Variants in ADGRL2 observed in about 807,000 individuals in gnomAD.
The protein encoded by ADGRL2 is calcium-independent alpha-latrotoxin receptor 2.
In ADGRL2, 44 loss-of-function variants were observed where a neutral mutation model predicts 157.4. That is an observed-to-expected ratio of 0.28 (90% CI 0.22 to 0.36). The LOEUF is 0.36. ADGRL2 is among the 10% of genes least tolerant of loss of function. The pLI, the probability that ADGRL2 is intolerant of heterozygous loss-of-function variation, is 1.00. For synonymous variants in ADGRL2, 585 were observed against 624.7 expected, an observed-to-expected ratio of 0.94 and a Z score of 0.95; for missense variants, 1,510 against 1,768.9, an observed-to-expected ratio of 0.85 and a Z score of 2.63.
chr1:81,330,877 G>C (rs77885325), intron 1 of ADGRL2, among the ~76,000 whole-genome samples: 2,153 of 152,254 alleles, frequency 0.014, 51 homozygotes, highest in African/African-American at 0.049. Context: ...TTGCTCAACG[G>C]ATGTTTTAAA....
chr1:81,895,890 T>C (rs1030848219), intron 2 of ADGRL2, among the ~76,000 whole-genome samples: 18 of 152,134 alleles, frequency 1.2e-4, no homozygotes, highest in African/African-American at 4.3e-4. Flanking sequence ...AGTTTTAGCA[T>C]CAGTGACAAA....
chr1:81,502,017 C>T (rs1458379236), intron 2 of ADGRL2: 2 of 1,603,480 alleles, frequency 1.2e-6, no homozygotes, highest in African/African-American at 2.7e-5. Context: ...GCAGCAGTGG[C>T]CCAAGTGTTT....
At chr1:81,948,887 A>G (rs1229288755) in intron 6 of ADGRL2, among the ~76,000 whole-genome samples, 2 of 152,182 alleles carry the variant, frequency 1.3e-5, no homozygotes, top group Admixed American at 6.5e-5. Flanking sequence ...AGAAGTATGT[A>G]ACTACTAAAG....
rs75176347 is a variant in ADGRL2, at chr1:81,649,991, A to G, written c.-143+69011A>G. On this transcript the variant is annotated intron_variant, in intron 3 of 24. Coordinates refer to the ADGRL2 transcript ENST00000370721. Reference sequence around the variant, plus strand: ...AAGGTGAGAATTAAATGTAAAATCAATTTATACAATTATACCAAGTTTGTG... The same window carrying G: ...AAGGTGAGAATTAAATGTAAAATCAGTTTATACAATTATACCAAGTTTGTG... Among the ~76,000 whole-genome samples the G allele has an allele frequency of 1.5e-3, 225 of 152,074 alleles. 1 individual carries two copies. Among genetic ancestry groups the G allele is most frequent in the African/African-American group, 5.3e-3 (221 of 41,482 alleles).
intron 3 of ADGRL2, among the ~76,000 whole-genome samples, chr1:81,606,763 TGTGTGTGTGTGC>T (rs1557501019): frequency 1.4e-4 from 21 of 151,466 alleles, no homozygotes; most frequent in African/African-American, 1.9e-4. Context: ...TGTGTGTGTG[TGTGTGTGTGTGC>T]GCACGCGTGT....
At chr1:81,824,357 G>A (rs191217243) in intron 1 of ADGRL2, among the ~76,000 whole-genome samples, 9 of 152,192 alleles carry the variant, frequency 5.9e-5, no homozygotes, top group Admixed American at 2.6e-4. Context: ...TCACTGTAGC[G>A]TGGAACTCCT....
At chr1:81,521,821 T>TATACAAA (rs1365742549) in intron 2 of ADGRL2, among the ~76,000 whole-genome samples, 1 of 152,182 alleles carries the variant, frequency 6.6e-6, no homozygotes, top group East Asian at 1.9e-4. Flanking sequence ...TTTGGTTGAG[T>TATACAAA]ATACAAAATA....
intron 1 of ADGRL2, among the ~76,000 whole-genome samples, chr1:81,389,082 T>C (rs1370898992): frequency 6.6e-6 from 1 of 152,182 alleles, no homozygotes; most frequent in African/African-American, 2.4e-5. Context: ...CACCTTTTCA[T>C]TGATTTTGTC....
At chr1:81,728,888 G>A (rs2084629772) in intron 1 of ADGRL2, among the ~76,000 whole-genome samples, 1 of 152,066 alleles carries the variant, frequency 6.6e-6, no homozygotes, top group South Asian at 2.1e-4. Context: ...TTCTCTTGGG[G>A]AGGTAACTGT....
In ADGRL2 at chr1:81,957,990, G is replaced by A. The variant is rs183752932; in HGVS notation, c.2017+1930G>A. On this transcript the variant is annotated intron_variant, in intron 11 of 23. Transcript: ENST00000686636. ...ATCCTGGCCAACATGGTGAAAACTC[G>A]TCTCTACTAAAAAATACAAAAAAAA... 5.5e-3 allele frequency among the ~76,000 whole-genome samples: 830 copies of A among 149,880 alleles called. 12 individuals are homozygous for A. Among genetic ancestry groups the A allele is most frequent in the African/African-American group, 0.019 (778 of 40,916 alleles).
At chr1:81,359,327 G>T (rs1295442602) in intron 1 of ADGRL2, among the ~76,000 whole-genome samples, 39 of 152,144 alleles carry the variant, frequency 2.6e-4, no homozygotes, top group Admixed American at 2.0e-4. Context: ...AGACAGAGTG[G>T]TGAATAAGAC....
intron 2 of ADGRL2, among the ~76,000 whole-genome samples, chr1:81,459,644 AT>A (rs1474581804): frequency 1.3e-5 from 2 of 152,068 alleles, no homozygotes; most frequent in Non-Finnish European, 2.9e-5. Flanking sequence ...GAGAGTCTTA[AT>A]AATCTCTTTA....
intron 2 of ADGRL2, among the ~76,000 whole-genome samples, chr1:81,839,049 A>C (rs1236606010): frequency 6.6e-6 from 1 of 152,044 alleles, no homozygotes; most frequent in Admixed American, 6.6e-5. Context: ...TATTGCCAGA[A>C]AGCAGATAAT....
intron 2 of ADGRL2, among the ~76,000 whole-genome samples, chr1:81,860,265 C>G (rs1321534616): frequency 2.0e-5 from 3 of 151,978 alleles, no homozygotes; most frequent in Non-Finnish European, 4.4e-5. Flanking sequence ...GACTGGTATT[C>G]TATATTTTAA....
At chr1:81,751,043 C>T (rs1279905550) in intron 1 of ADGRL2, among the ~76,000 whole-genome samples, 2 of 151,930 alleles carry the variant, frequency 1.3e-5, no homozygotes, top group African/African-American at 4.8e-5. Context: ...AAATACAAAA[C>T]GAGCCTGGAA....
intron 1 of ADGRL2, among the ~76,000 whole-genome samples, chr1:81,727,825 A>G (rs1043598769): frequency 2.0e-5 from 3 of 151,854 alleles, no homozygotes; most frequent in African/African-American, 7.3e-5. Context: ...ATATATATAT[A>G]TATACATCTA....
chr1:81,613,709 A>T (rs915391609), intron 3 of ADGRL2, among the ~76,000 whole-genome samples: 72 of 152,334 alleles, frequency 4.7e-4, no homozygotes, highest in African/African-American at 1.7e-3. Flanking sequence ...GTGTTTTCAA[A>T]TGATGGGGAT....
chr1:81,478,051 G>T (rs1019047130), intron 2 of ADGRL2, among the ~76,000 whole-genome samples: 11 of 149,240 alleles, frequency 7.4e-5, no homozygotes, highest in African/African-American at 2.7e-4. Flanking sequence ...ATTTTTGGGG[G>T]TTTTCTTTAA....
chr1:81,396,324 TA>T lies in ADGRL2; in HGVS notation c.-301-48711del, dbSNP rs1360548571. ...GTTCATTGTTGGTGTATACAAATGC[TA>T]TTGATTTTTGCATGTTAATTTTGTA... On this transcript the variant is annotated intron_variant, in intron 1 of 24. Transcript: ENST00000370721. 6.6e-5 allele frequency among the ~76,000 whole-genome samples: 10 copies of T among 152,334 alleles called. No homozygotes were observed. In the East Asian group the frequency reaches 1.3e-3, roughly 21 times the overall value.
Sources: gnomAD v4.1 joint callset for allele counts (sites outside exome capture counted in the v4.1 genomes callset) on GRCh38, gnomAD v4.1.1 for gene constraint, MANE v1.5 for transcripts, NCBI Gene and HGNC (gene_info 2026-07-23, HGNC 2026-07-21) for gene names.